TRPM5: variants seen among roughly 807,000 people sequenced by gnomAD.
TRPM5 encodes the protein MLSN1 and TRP-related.
In TRPM5, 121 loss-of-function variants were observed where a neutral mutation model predicts 124.9. That is an observed-to-expected ratio of 0.97 (90% CI 0.84 to 1.13). TRPM5 has a LOEUF of 1.13. TRPM5 is among the 50% of genes most tolerant of loss of function. The pLI is 0.00. For synonymous variants in TRPM5, 781 were observed against 700.5 expected (o/e 1.11, Z -1.81); for missense variants, 1,643 against 1,589.1 (o/e 1.03, Z -0.58).
exon 1 of TRPM5, chr11:2,422,984 C>A (rs756783346): frequency 6.2e-7 from 1 of 1,613,064 alleles, no homozygotes. Flanking sequence ...CAGCTCCCGC[C>A]GGTCTTCAGC....
the TRPM5 span, among the ~76,000 whole-genome samples, chr11:2,432,967 G>A: frequency 1.3e-5 from 2 of 152,350 alleles, no homozygotes; most frequent in South Asian, 2.1e-4. Flanking sequence ...CAAGGCCTCC[G>A]GGCAGATCCT....
exon 4 of TRPM5, chr11:2,420,295 C>T (rs937697793): frequency 9.3e-6 from 15 of 1,612,572 alleles, no homozygotes; most frequent in South Asian, 8.8e-5. Context: ...CATCGCCCTT[C>T]CCCGGGGGGC....
At position 2,421,868 on chromosome 11, in the gene TRPM5, G is replaced by A. The variant is rs557094535; in HGVS notation, c.298+273C>T. ...GGAAGGGCCAGGCCCAGCTGGGGGA[G>A]GTCCTGGTCCAGTACGTAGGCACTG... On this transcript the variant is annotated intron_variant, in intron 2 of 23. Transcript: ENST00000155858. 2.6e-5 allele frequency among the ~76,000 whole-genome samples: 4 copies of A among 152,326 alleles called. No homozygotes were observed. The South Asian group carries it at 8.3e-4, about 32-fold the overall frequency.
chr11:2,421,694 T>C (rs558529666), intron 2 of TRPM5, among the ~76,000 whole-genome samples: 4 of 152,332 alleles, frequency 2.6e-5, no homozygotes, highest in South Asian at 4.1e-4. Context: ...AGCCCAGCCA[T>C]TGGACTCTGG....
intron 7 of TRPM5, 94 bp from the exon 13 acceptor site, chr11:2,416,118 G>A (rs1227792626): frequency 3.1e-5 from 26 of 849,628 alleles, no homozygotes; most frequent in African/African-American, 2.5e-4. Context: ...GCCTAGAGAC[G>A]CGGAAACGGG....
the TRPM5 span, among the ~76,000 whole-genome samples, chr11:2,430,833 G>A: frequency 6.4e-3 from 845 of 132,124 alleles, no homozygotes; most frequent in South Asian, 0.019. Flanking sequence ...GTTGATGGTG[G>A]TGGTGGTTTT....
At chr11:2,409,429 C>T (rs1237589666) in intron 18 of TRPM5, among the ~76,000 whole-genome samples, 1 of 152,188 alleles carries the variant, frequency 6.6e-6, no homozygotes, top group Non-Finnish European at 1.5e-5. Flanking sequence ...AAGGCGCCAC[C>T]AGGCCGGGCT....
chr11:2,411,518 G>A (rs765345728), exon 18 of TRPM5: 10 of 1,608,272 alleles, frequency 6.2e-6, no homozygotes, highest in East Asian at 2.2e-5. Context: ...AGAAGAAGAC[G>A]TCCTTCATCT....
intron 17 of TRPM5, 34 bp from the exon 23 acceptor site, chr11:2,411,560 G>A (rs1180054612): frequency 1.2e-6 from 2 of 1,607,672 alleles, no homozygotes; most frequent in Non-Finnish European, 1.7e-6. Context: ...AGGGACGTCA[G>A]CGGCCAGCCG....
At chr11:2,407,985 A>G (rs776817632) in intron 18 of TRPM5, 73 bp from the exon 24 acceptor site, 10 of 1,564,414 alleles carry the variant, frequency 6.4e-6, no homozygotes, top group Middle Eastern at 2.3e-4. Context: ...ATGCCCCGAG[A>G]TAGAGCGCTG....
chr11:2,413,255 C>T, intron 13 of TRPM5, 29 bp from the exon 19 acceptor site: 1 of 1,508,904 alleles, frequency 6.6e-7, no homozygotes, highest in Admixed American at 2.4e-5. Context: ...TCAGGGCCCG[C>T]AGGAAGGGCT....
At chr11:2,405,115 G>C in intron 23 of TRPM5, 72 bp from the exon 29 acceptor site, 6 of 1,343,500 alleles carry the variant, frequency 4.5e-6, no homozygotes, top group Non-Finnish European at 5.2e-6. Context: ...GAGGTAGCTG[G>C]CTCAGAGGCA....
the TRPM5 span, among the ~76,000 whole-genome samples, chr11:2,443,617 T>C: frequency 6.6e-6 from 1 of 152,140 alleles, no homozygotes; most frequent in African/African-American, 2.4e-5. This position sits in a 1 kb window ranked among gnomAD's most constrained non-coding sequence, Gnocchi z 5.0. Context: ...CTGGACTCCG[T>C]CCACGATAAA....
At chr11:2,415,292 C>A in exon 9 of TRPM5, 1 of 1,578,108 alleles carries the variant, frequency 6.3e-7, no homozygotes. Context: ...GGGCCTCCTC[C>A]TGCTTCCGCT....
At chr11:2,431,380 G>A in the TRPM5 span, among the ~76,000 whole-genome samples, 25 of 152,200 alleles carry the variant, frequency 1.6e-4, no homozygotes, top group East Asian at 7.7e-4. Context: ...AGCCTGTGTC[G>A]TTGCCCTACA....
chr11:2,424,058 C>T (rs932906512), upstream of TRPM5, among the ~76,000 whole-genome samples: 4 of 152,210 alleles, frequency 2.6e-5, no homozygotes, highest in South Asian at 2.1e-4. Flanking sequence ...CAGAGGTCTC[C>T]GTGGGCCCCC....
chr11:2,409,764 G>GA (rs777530068), intron 18 of TRPM5, among the ~76,000 whole-genome samples: 50 of 152,204 alleles, frequency 3.3e-4, no homozygotes, highest in Non-Finnish European at 6.9e-4. Context: ...TGACAAGTCT[G>GA]AGACTCTCAG....
the TRPM5 span, among the ~76,000 whole-genome samples, chr11:2,429,702 ATGG>A: frequency 6.6e-6 from 1 of 151,482 alleles, no homozygotes; most frequent in Non-Finnish European, 1.5e-5. The surrounding 1 kb of genome is among the most constrained non-coding windows in gnomAD (Gnocchi z 8.4). Flanking sequence ...GATGTTGGTG[ATGG>A]TGGTGGTGAT....
chr11:2,415,039 G>A, exon 10 of TRPM5: 2 of 1,601,534 alleles, frequency 1.2e-6, no homozygotes, highest in Non-Finnish European at 1.7e-6. Context: ...GCTTGGCCGG[G>A]CCCTTCTCCT....
Sources: allele counts gnomAD v4.1 joint callset (sites outside exome capture counted in the v4.1 genomes callset), GRCh38; gene constraint gnomAD v4.1.1; non-coding constraint Gnocchi (gnomAD v3.1); transcripts MANE v1.5; gene names NCBI Gene and HGNC (gene_info 2026-07-23, HGNC 2026-07-21).